MIGA1: variants seen among roughly 807,000 people sequenced by gnomAD.
MIGA1 encodes the protein mitoguardin 1.
In MIGA1, 58 loss-of-function variants were observed where a neutral mutation model predicts 82.0. That is an observed-to-expected ratio of 0.71 (90% confidence interval 0.57 to 0.88). The LOEUF (loss-of-function observed/expected upper bound fraction) is 0.88, where lower values mean the gene tolerates loss of function less well. Among genes scored for constraint, MIGA1 ranks in the 40% least tolerant of loss-of-function variants. The pLI is 0.00. For synonymous variants in MIGA1, 249 were observed against 253.6 expected, an observed-to-expected ratio of 0.98 and a Z score of 0.17; for missense variants, 751 against 749.1, an observed-to-expected ratio of 1.00 and a Z score of -0.03.
At chr1:77,806,879 C>T in intron 4 of MIGA1, 96 bp from the exon 5 acceptor site, 1 of 880,378 alleles carries the variant, frequency 1.1e-6, no homozygotes, top group Non-Finnish European at 1.7e-6. Flanking sequence ...TGTCTTACCA[C>T]TAATAGGATT....
intron 10 of MIGA1, 38 bp downstream of exon 10, chr1:77,859,424 C>T: frequency 7.3e-7 from 1 of 1,365,950 alleles, no homozygotes; most frequent in South Asian, 1.2e-5. Context: ...CCCAGCCACT[C>T]ATCCCCACCC....
chr1:77,830,527 A>G (rs766325600), intron 7 of MIGA1, among the ~76,000 whole-genome samples: 8 of 152,132 alleles, frequency 5.3e-5, no homozygotes, highest in Non-Finnish European at 1.2e-4. Flanking sequence ...GGGAATGATA[A>G]CATGTTTATT....
chr1:77,848,096 ACAG>A, intron 8 of MIGA1: 1 of 1,312,122 alleles, frequency 7.6e-7, no homozygotes, highest in South Asian at 1.2e-5. Flanking sequence ...ATCAGCACCA[ACAG>A]AAGCAATCCA....
At chr1:77,812,050 A>G (rs967841434) in intron 5 of MIGA1, among the ~76,000 whole-genome samples, 3 of 152,238 alleles carry the variant, frequency 2.0e-5, no homozygotes, top group African/African-American at 7.2e-5. Flanking sequence ...GTGGTGGCTC[A>G]CACCTGTAAT....
intron 8 of MIGA1, among the ~76,000 whole-genome samples, chr1:77,850,214 C>T (rs769015481): frequency 1.3e-5 from 2 of 152,218 alleles, no homozygotes; most frequent in African/African-American, 2.4e-5. Flanking sequence ...CCTGGCTTCC[C>T]GCAGAGGGAG....
chr1:77,780,938 G>A (rs558312211), intron 1 of MIGA1, among the ~76,000 whole-genome samples: 29 of 148,102 alleles, frequency 2.0e-4, no homozygotes, highest in South Asian at 1.3e-3. Context: ...GCGGAGTCTG[G>A]CTCTGTCGCC....
intron 2 of MIGA1, among the ~76,000 whole-genome samples, chr1:77,791,547 G>A (rs754477371): frequency 2.1e-4 from 31 of 146,124 alleles, no homozygotes; most frequent in Non-Finnish European, 3.6e-4. Flanking sequence ...ATGCTCAGAA[G>A]TAGATATTTA....
intron 8 of MIGA1, among the ~76,000 whole-genome samples, chr1:77,850,817 T>A (rs1436639674): frequency 1.3e-5 from 2 of 152,156 alleles, no homozygotes; most frequent in African/African-American, 4.8e-5. Context: ...TTTCTGTTTT[T>A]ATTGTTGCTG....
chr1:77,863,762 C>T, intron 12 of MIGA1, 132 bp from the exon 13 acceptor site: 1 of 620,732 alleles, frequency 1.6e-6, no homozygotes, highest in Non-Finnish European at 2.6e-6. Context: ...TTTATCTCTC[C>T]TTTTATTTTT....
chr1:77,837,704 T>G (rs1191208602), intron 7 of MIGA1, among the ~76,000 whole-genome samples: 1 of 152,214 alleles, frequency 6.6e-6, no homozygotes, highest in Admixed American at 6.5e-5. Context: ...GTCTTCTCCT[T>G]CTTGAAAGTG....
intron 11 of MIGA1, 79 bp from the exon 12 acceptor site, chr1:77,861,145 C>T: frequency 1.1e-6 from 1 of 881,176 alleles, no homozygotes; most frequent in Non-Finnish European, 1.8e-6. Context: ...TAAGATCTAC[C>T]AGACTTATTT....
intron 5 of MIGA1, chr1:77,810,763 G>A (rs1353314153): frequency 1.6e-5 from 21 of 1,290,590 alleles, no homozygotes; most frequent in African/African-American, 7.5e-5. Context: ...GGTACGGCTT[G>A]CTTCCTGCCT....
At chr1:77,865,745 G>C (rs917610568) in intron 13 of MIGA1, among the ~76,000 whole-genome samples, 1 of 150,744 alleles carries the variant, frequency 6.6e-6, no homozygotes. Flanking sequence ...CCAGAGTGCA[G>C]TCTTTTTCCT....
chr1:77,826,765 A>G (rs1043917665), intron 7 of MIGA1, among the ~76,000 whole-genome samples: 11 of 150,712 alleles, frequency 7.3e-5, no homozygotes, highest in Admixed American at 6.6e-4. Context: ...ATGAGCCACC[A>G]TGCCAGGTCT....
chr1:77,811,838 G>A (rs1683348549), intron 5 of MIGA1: 2 of 1,489,750 alleles, frequency 1.3e-6, no homozygotes, highest in Non-Finnish European at 1.8e-6. Flanking sequence ...GGGTTCTAGG[G>A]CGCCATCCTC....
rs1264002392 is a variant in MIGA1 at position 77,779,712 on chromosome 1, A to G, written c.57A>G (p.Pro19=). Reference sequence around the variant, plus strand: ...GCTGGGAAGCTGGCGTGGGCAGGCCAGCTGTACCTGGCCTGGAGCTCCAGG... The same window carrying G: ...GCTGGGAAGCTGGCGTGGGCAGGCCGGCTGTACCTGGCCTGGAGCTCCAGG... The change falls in exon 1 of 16, where the codon CCA becomes CCG. Residue 19 remains proline (P), a synonymous_variant. Transcript: ENST00000370791. The G allele has an allele frequency of 6.3e-7, 1 of 1,580,130 alleles. No homozygotes were observed. Among genetic ancestry groups the G allele is most frequent in the Non-Finnish European group, 8.6e-7 (1 of 1,162,774 alleles).
Position 77,878,997 on chromosome 1 carries a change from A to C in MIGA1, c.*3933A>C. 3.6e-6 allele frequency: 1 copy of C among 279,832 alleles called. No individual in the cohort carries two copies. Among genetic ancestry groups the C allele is most frequent in the Non-Finnish European group, 6.6e-6 (1 of 151,520 alleles). 17.3% of individuals were successfully genotyped at this position (279,832 alleles called of 1,614,324 possible). On this transcript the variant is annotated 3_prime_UTR_variant, in exon 16 of 16. Coordinates refer to ENST00000370791, the MANE Select transcript of MIGA1 (RefSeq NM_198549.4). ...TCTACTTAAATTTAATTTCCAAGAG[A>C]GTGATTATTTGCATTACAAAGGAAT...
At chr1:77,787,772 T>C (rs528096600) in intron 2 of MIGA1, among the ~76,000 whole-genome samples, 14 of 152,248 alleles carry the variant, frequency 9.2e-5, no homozygotes, top group Admixed American at 7.2e-4. Flanking sequence ...TTGTTAGTTA[T>C]ATGATTTCCA....
rs1299032832 is a variant in MIGA1, at chr1:77,879,510, A to G, written c.*4446A>G. 6.6e-6 allele frequency: 1 copy of G among 152,194 alleles called. No individual in the cohort carries two copies. The highest frequency in any genetic ancestry group is 1.5e-5 in the Non-Finnish European group (1 of 68,034). 9.4% of individuals were successfully genotyped at this position (152,194 alleles called of 1,614,324 possible). On this transcript the variant is annotated 3_prime_UTR_variant, in exon 16 of 16. Transcript: ENST00000370791. The stretch of plus-strand genomic sequence containing the variant: ...ATAAGCACTGTAACATGGATGTATT[A>G]CTATTACTGCCAAATAAAAAAGTGA...
Sources: allele counts gnomAD v4.1 joint callset (sites outside exome capture counted in the v4.1 genomes callset), GRCh38; gene constraint gnomAD v4.1.1; transcripts MANE v1.5; gene names NCBI Gene and HGNC (gene_info 2026-07-23, HGNC 2026-07-21).